Variants in PHRF1 observed in about 807,000 individuals in gnomAD.
The protein encoded by PHRF1 is PHD and ring finger domains 1.
A neutral mutation model predicts 128.9 loss-of-function variants in PHRF1; 53 were observed. The ratio of observed to expected loss-of-function variants is 0.41; its 90% CI spans 0.33 to 0.52. PHRF1 has a LOEUF of 0.52. Ranked by LOEUF, PHRF1 falls within the 20% of genes least tolerant of loss-of-function variation. The pLI is 0.21. For synonymous variants in PHRF1, 1,178 were observed against 980.6 expected (o/e 1.20, Z -3.76); for missense variants, 2,503 against 2,284.5 (o/e 1.10, Z -1.95).
At chr11:588,843 A>C (rs577456523) in intron 4 of PHRF1, among the ~76,000 whole-genome samples, 1 of 152,232 alleles carries the variant, frequency 6.6e-6, no homozygotes, top group East Asian at 1.9e-4. Flanking sequence ...CAGTATAGAA[A>C]TCTTACAAAT....
chr11:599,122 C>T (rs886129123), intron 9 of PHRF1, among the ~76,000 whole-genome samples: 3 of 152,218 alleles, frequency 2.0e-5, no homozygotes, highest in Admixed American at 1.3e-4. Context: ...AAGAGCATTC[C>T]CTTTCCCTCG....
chr11:593,010 G>A (rs975568463), intron 6 of PHRF1, among the ~76,000 whole-genome samples: 1 of 152,254 alleles, frequency 6.6e-6, no homozygotes, highest in African/African-American at 2.4e-5. Flanking sequence ...GGGTGGCTAT[G>A]CCTGCGTCCA....
chr11:596,002 A>G (rs558641258), intron 6 of PHRF1, among the ~76,000 whole-genome samples: 5 of 152,326 alleles, frequency 3.3e-5, no homozygotes, highest in African/African-American at 1.2e-4. Flanking sequence ...AGGGCCACAC[A>G]GCAGACACCT....
intron 5 of PHRF1, 45 bp downstream of exon 5, chr11:591,512 C>A: frequency 6.7e-7 from 1 of 1,498,986 alleles, no homozygotes. Flanking sequence ...TGCTTCTATC[C>A]CGGCCCTGTG....
intron 9 of PHRF1, among the ~76,000 whole-genome samples, chr11:599,248 C>CTTTTTTTTTTTT (rs1855489133): frequency 3.2e-5 from 4 of 124,730 alleles, no homozygotes; most frequent in African/African-American, 1.2e-4. Context: ...TTTTTTTTTT[C>CTTTTTTTTTTTT]TTTTCTTTTT....
At chr11:602,354 G>A (rs190972167) in intron 10 of PHRF1, among the ~76,000 whole-genome samples, 26 of 152,190 alleles carry the variant, frequency 1.7e-4, no homozygotes, top group Non-Finnish European at 3.4e-4. Context: ...TTGTCCACTC[G>A]GACTGCACAT....
chr11:589,466 A>G (rs1182219676), intron 4 of PHRF1, among the ~76,000 whole-genome samples: 4 of 152,202 alleles, frequency 2.6e-5, no homozygotes, highest in Admixed American at 6.5e-5. Flanking sequence ...GAAATTGCCT[A>G]CTGGATATTA....
At chr11:583,678 G>A (rs1427778976) in intron 3 of PHRF1, among the ~76,000 whole-genome samples, 1 of 152,168 alleles carries the variant, frequency 6.6e-6, no homozygotes, top group Non-Finnish European at 1.5e-5. Flanking sequence ...GGACCCTTGA[G>A]CCCAGGAAGT....
In PHRF1 at chr11:608,148, C is replaced by G. The variant is rs1320062140; in HGVS notation, c.2692C>G (p.Pro898Ala). The G allele has an allele frequency of 6.2e-7, 1 of 1,611,180 alleles. No individual in the cohort carries two copies. Among genetic ancestry groups the G allele is most frequent in the Non-Finnish European group, 8.5e-7 (1 of 1,179,842 alleles). The change falls in exon 14 of 18, where the codon CCG becomes GCG. Residue 898 changes from proline to alanine, a missense_variant. Coordinates refer to ENST00000264555, the MANE Select transcript of PHRF1 (RefSeq NM_001286581.2). ...TACAGAGCCCGAACCCCCTCTCGGACCGTCCTCCGCCATGTCCAAGCTCCG... is the reference window on the plus strand; with the variant it reads ...TACAGAGCCCGAACCCCCTCTCGGAGCGTCCTCCGCCATGTCCAAGCTCCG... Reference protein sequence around the residue: ...FGTEPEPPLGPSSAMSKLRGA... With the variant: ...FGTEPEPPLGASSAMSKLRGA...
intron 1 of PHRF1, among the ~76,000 whole-genome samples, chr11:578,636 G>T (rs2134158548): frequency 6.6e-6 from 1 of 152,258 alleles, no homozygotes; most frequent in South Asian, 2.1e-4. Flanking sequence ...ACATACTATG[G>T]CTCACTGCAG....
intron 10 of PHRF1, 50 bp downstream of exon 10, chr11:601,751 C>T (rs768927579): frequency 9.9e-6 from 16 of 1,608,478 alleles, no homozygotes; most frequent in Admixed American, 3.4e-5. Context: ...ACAGCACCCT[C>T]GCGTGGTTAC....
chr11:610,698 C>T lies in PHRF1; in HGVS notation c.4614C>T (p.Ala1538=). The T allele has an allele frequency of 6.2e-7, 1 of 1,603,830 alleles. No homozygotes were observed. The highest frequency in any genetic ancestry group is 8.5e-7 in the Non-Finnish European group (1 of 1,179,790). The change falls in exon 16 of 18, where the codon GCC becomes GCT. Residue 1538 remains alanine, a synonymous_variant. Coordinates refer to ENST00000264555, the MANE Select transcript of PHRF1 (RefSeq NM_001286581.2). ...ASEPASQATA[A]SNSEEKTPAP... ...AGCCAGCCAGTCAAGCCACTGCAGC[C>T]AGCAACTCGGAGGAGAAGACCCCGG...
rs1855645002 is a variant in PHRF1, at chr11:601,810, T to C, written c.1152+109T>C. 6 of 1,371,596 alleles carry C rather than the reference T, an allele frequency of 4.4e-6. No homozygotes were observed. In the Admixed American group the frequency reaches 8.9e-5, roughly 20 times the overall value. 85.0% of individuals were successfully genotyped at this position (1,371,596 alleles called of 1,614,324 possible). A position where few individuals can be genotyped will look rare whatever the true frequency, so the allele number is the denominator to read the frequency against. On this transcript the variant is annotated intron_variant, in intron 10 of 17. Transcript: ENST00000264555. ...TGGCCTTGGCACCCTCGCGCGGTTA[T>C]GGAGCAGGGATCATCATCGTCTTTG... is the stretch of plus-strand genomic sequence containing the variant.
chr11:586,377 C>G (rs190930653), intron 3 of PHRF1, among the ~76,000 whole-genome samples: 1 of 152,250 alleles, frequency 6.6e-6, no homozygotes, highest in African/African-American at 2.4e-5. Flanking sequence ...CTCCCAGCCT[C>G]TTTAACAGTG....
intron 3 of PHRF1, among the ~76,000 whole-genome samples, chr11:582,888 G>C (rs1340179928): frequency 6.6e-6 from 1 of 151,414 alleles, no homozygotes; most frequent in Non-Finnish European, 1.5e-5. Flanking sequence ...CAAAAAATTA[G>C]CCGGGTGTGG....
At chr11:577,990 G>C (rs1020060971) in intron 1 of PHRF1, among the ~76,000 whole-genome samples, 3 of 152,276 alleles carry the variant, frequency 2.0e-5, no homozygotes, top group Non-Finnish European at 4.4e-5. Flanking sequence ...TGCTAGCCCA[G>C]CCAAAGGTGG....
Position 608,235 on chromosome 11 carries a change from G to C in PHRF1, c.2779G>C (p.Gly927Arg). ...TEREEPTESQ[G>R]LAARLRRPSP... The stretch of plus-strand genomic sequence containing the variant: ...GCGAGAGGAGCCCACAGAGAGCCAG[G>C]GCCTGGCTGCCCGGCTGCGGAGGCC... The change falls in exon 14 of 18, where the codon GGC becomes CGC. Residue 927 changes from glycine to arginine, a missense_variant. Gly to Arg is a moderately radical substitution (Grantham distance 125). Transcript: ENST00000264555. 6.2e-7 allele frequency: 1 copy of C among 1,609,948 alleles called. No individual in the cohort carries two copies. The highest frequency in any genetic ancestry group is 8.5e-7 in the Non-Finnish European group (1 of 1,179,782).
In PHRF1 at chr11:589,276, C is replaced by G. The variant is rs181892127; in HGVS notation, c.420+1812C>G. ...CGTGTAAGACATTTAAAGAGCTTTT[C>G]TAACACAGCCGTGACTGAAGCAAGG... is the stretch of plus-strand genomic sequence containing the variant. On this transcript the variant is annotated intron_variant, in intron 4 of 17. Coordinates refer to ENST00000264555, the MANE Select transcript of PHRF1 (RefSeq NM_001286581.2). Among the ~76,000 whole-genome samples, 6 of 152,276 alleles carry G rather than the reference C, an allele frequency of 3.9e-5. No individual in the cohort carries two copies. In the East Asian group the frequency reaches 9.6e-4, roughly 24 times the overall value.
At chr11:581,365 A>G in intron 1 of PHRF1, 127 bp from the exon 2 acceptor site, 2 of 721,992 alleles carry the variant, frequency 2.8e-6, no homozygotes, top group Admixed American at 2.8e-5. Flanking sequence ...CTCAGGGCTC[A>G]CTCTTCACGT....
Sources: allele counts gnomAD v4.1 joint callset (sites outside exome capture counted in the v4.1 genomes callset), GRCh38; gene constraint gnomAD v4.1.1; transcripts MANE v1.5; gene names NCBI Gene and HGNC (gene_info 2026-07-23, HGNC 2026-07-21).